The following CDH3 variants were observed in gnomAD, a reference collection of about 807,000 sequenced individuals.
The protein encoded by CDH3 is cadherin 3.
In CDH3, 54 loss-of-function variants were observed where a neutral mutation model predicts 82.0. The observed-to-expected ratio is 0.66, with a 90% confidence interval of 0.53 to 0.83. The LOEUF (loss-of-function observed/expected upper bound fraction) is 0.83, where lower values mean the gene tolerates loss of function less well. CDH3 is among the 40% of genes least tolerant of loss of function. The pLI is 0.00. For missense variants in CDH3, 1,054 were observed against 1,084.6 expected (o/e 0.97, Z 0.40); for synonymous variants, 446 against 437.9 (o/e 1.02, Z -0.23).
At position 68,698,233 on chromosome 16, in the gene CDH3, G is replaced by A. The variant is rs150829939; in HGVS notation, c.2323G>A (p.Asp775Asn). Reference protein sequence around the residue: ...ANTDPTAPPYDTLLVFDYEGS... With the variant: ...ANTDPTAPPYNTLLVFDYEGS... ...CACAGACCCCACAGCCCCGCCCTACGACACCCTCTTGGTGTTCGACTATGA... is the reference window on the plus strand; with the variant it reads ...CACAGACCCCACAGCCCCGCCCTACAACACCCTCTTGGTGTTCGACTATGA... Residue 775 changes from aspartate (D) to asparagine (N), a missense_variant, in exon 16 of 16, where the codon GAC becomes AAC. Coordinates refer to ENST00000264012, the MANE Select transcript of CDH3 (RefSeq NM_001793.6). The A allele has an allele frequency of 5.0e-6, 8 of 1,614,172 alleles. No homozygotes were observed. Among genetic ancestry groups the A allele is most frequent in the Admixed American group, 3.3e-5 (2 of 60,018 alleles).
At chr16:68,717,893 CCAGGCCTT>C (rs2152110864) in intron 1 of CDH3, among the ~76,000 whole-genome samples, 1 of 152,290 alleles carries the variant, frequency 6.6e-6, no homozygotes, top group South Asian at 2.1e-4. Flanking sequence ...TAAAGCAGCA[CCAGGCCTT>C]CACTATATGA....
chr16:68,647,801 CAT>C (rs548051325), intron 2 of CDH3, among the ~76,000 whole-genome samples: 229 of 152,152 alleles, frequency 1.5e-3, no homozygotes, highest in African/African-American at 5.0e-3. Flanking sequence ...ATCCTCAAAA[CAT>C]AGATCCCCAG....
Position 68,683,753 on chromosome 16 carries a change from C to T in CDH3, c.1183-830C>T, listed in dbSNP as rs114969656. The stretch of plus-strand genomic sequence containing the variant: ...CCAGCCTGGACAACATGGAGAAATC[C>T]CGTCTACGCTAAAAGTATAAAAAAT... On this transcript the variant is annotated intron_variant, in intron 9 of 15. Coordinates refer to ENST00000264012, the MANE Select transcript of CDH3 (RefSeq NM_001793.6). 9.6e-3 allele frequency among the ~76,000 whole-genome samples: 1,405 copies of T among 145,896 alleles called. 20 individuals carry two copies. The highest frequency in any genetic ancestry group is 0.034 in the African/African-American group (1,328 of 39,302).
intron 1 of CDH3, among the ~76,000 whole-genome samples, chr16:68,711,553 C>T (rs926589525): frequency 1.3e-5 from 2 of 152,028 alleles, no homozygotes; most frequent in Non-Finnish European, 2.9e-5. Context: ...ATGCCAGGGA[C>T]GGTATGGTGC....
At chr16:68,733,008 C>T in the CDH3 span, among the ~76,000 whole-genome samples, 1 of 151,902 alleles carries the variant, frequency 6.6e-6, no homozygotes, top group Non-Finnish European at 1.5e-5. Context: ...CACAATTTTT[C>T]CTAGAACTGG....
At chr16:68,682,558 G>C (rs189821179) in intron 9 of CDH3, 71 bp downstream of exon 9, 28 of 1,442,678 alleles carry the variant, frequency 1.9e-5, no homozygotes, top group Non-Finnish European at 2.6e-5. Context: ...AGGATGAGGA[G>C]CCACTGTCTA....
chr16:68,694,467 CAA>C (rs1961654125), intron 13 of CDH3, among the ~76,000 whole-genome samples: 2 of 151,340 alleles, frequency 1.3e-5, no homozygotes, highest in Non-Finnish European at 2.9e-5. Flanking sequence ...ACTGAAAATA[CAA>C]AAATTAGCCA....
chr16:68,729,520 A>G (rs1198372899), downstream of CDH3, among the ~76,000 whole-genome samples: 1 of 152,242 alleles, frequency 6.6e-6, no homozygotes, highest in African/African-American at 2.4e-5. Flanking sequence ...GTAGTCAATT[A>G]TACCTCAAAA....
downstream of CDH3, among the ~76,000 whole-genome samples, chr16:68,705,093 T>G (rs775826999): frequency 2.0e-4 from 30 of 152,130 alleles, no homozygotes; most frequent in Non-Finnish European, 3.7e-4. Context: ...GAGAGGTTAA[T>G]GGCCACATAC....
chr16:68,675,666 C>T (rs148649943), intron 2 of CDH3, among the ~76,000 whole-genome samples: 2,078 of 151,952 alleles, frequency 0.014, 61 homozygotes, highest in African/African-American at 0.046. Flanking sequence ...TGGTGGCGCA[C>T]GCCTGTAACC....
At chr16:68,653,997 G>A (rs1477873014) in intron 2 of CDH3, among the ~76,000 whole-genome samples, 2 of 151,738 alleles carry the variant, frequency 1.3e-5, no homozygotes, top group South Asian at 2.1e-4. Flanking sequence ...GATTACAGGC[G>A]TGAGTCACTG....
At chr16:68,712,287 T>C (rs952880631) in intron 1 of CDH3, among the ~76,000 whole-genome samples, 9 of 141,252 alleles carry the variant, frequency 6.4e-5, no homozygotes, top group Non-Finnish European at 1.3e-4. Context: ...TCCTCCCACC[T>C]TGACCTCCTA....
chr16:68,710,637 C>T (rs1035226376), intron 1 of CDH3, among the ~76,000 whole-genome samples: 3 of 151,800 alleles, frequency 2.0e-5, no homozygotes, highest in Non-Finnish European at 4.4e-5. Context: ...GCAGGCGGAT[C>T]GCTTGAGACC....
At chr16:68,667,524 C>T (rs561210786) in intron 2 of CDH3, among the ~76,000 whole-genome samples, 18 of 152,310 alleles carry the variant, frequency 1.2e-4, no homozygotes, top group South Asian at 2.1e-4. Flanking sequence ...ACATCAGGAC[C>T]AGATAGCACC....
At chr16:68,690,062 C>G (rs1195700453) in intron 12 of CDH3, among the ~76,000 whole-genome samples, 1 of 152,186 alleles carries the variant, frequency 6.6e-6, no homozygotes, top group Non-Finnish European at 1.5e-5. Flanking sequence ...CACATAGCCC[C>G]TTCTCCACTC....
At chr16:68,712,203 A>G (rs1049962355) in intron 1 of CDH3, among the ~76,000 whole-genome samples, 2 of 151,314 alleles carry the variant, frequency 1.3e-5, no homozygotes, top group Non-Finnish European at 2.9e-5. Flanking sequence ...TGCCTGGCTA[A>G]TTTTTGTACT....
chr16:68,698,061 C>A, intron 15 of CDH3, 130 bp from the exon 16 acceptor site: 1 of 824,104 alleles, frequency 1.2e-6, no homozygotes. Context: ...ATGAATAACG[C>A]ATTCTTTCAT....
chr16:68,729,371 G>A (rs375073447), downstream of CDH3, among the ~76,000 whole-genome samples: 3 of 152,176 alleles, frequency 2.0e-5, no homozygotes, highest in South Asian at 2.1e-4. Flanking sequence ...GTTTTGTTTC[G>A]TTTTGTTTTT....
At chr16:68,702,328 A>G (rs1961907395), downstream of CDH3, among the ~76,000 whole-genome samples, 1 of 152,096 alleles carries the variant, frequency 6.6e-6, no homozygotes, top group Non-Finnish European at 1.5e-5. Context: ...TGCCCTTAAC[A>G]ATGTCAAACA....
Sources: gnomAD v4.1 joint callset for allele counts (sites outside exome capture counted in the v4.1 genomes callset) on GRCh38, gnomAD v4.1.1 for gene constraint, MANE v1.5 for transcripts, NCBI Gene and HGNC (gene_info 2026-07-23, HGNC 2026-07-21) for gene names.